SLC26A4: variants seen among roughly 807,000 people sequenced by gnomAD.
SLC26A4 encodes the protein pendrin.
Under a neutral mutation model 90.4 loss-of-function variants are expected in SLC26A4, and 93 were observed. That is an observed-to-expected ratio of 1.03 (90% CI 0.87 to 1.22). The LOEUF is 1.22. SLC26A4 is among the 50% of genes most tolerant of loss of function. The pLI, the probability that SLC26A4 is intolerant of heterozygous loss-of-function variation, is 0.00. For synonymous variants in SLC26A4, 393 were observed against 354.6 expected (o/e 1.11, Z -1.22); for missense variants, 1,127 against 946.2 (o/e 1.19, Z -2.51).
At chr7:107,712,026 T>C (rs1015186208) in intron 19 of SLC26A4, among the ~76,000 whole-genome samples, 13 of 152,180 alleles carry the variant, frequency 8.5e-5, no homozygotes, top group African/African-American at 3.1e-4. Context: ...GTGTAGAAGA[T>C]TAAATTACAT....
At chr7:107,666,309 C>T (rs916989321) in intron 3 of SLC26A4, among the ~76,000 whole-genome samples, 1 of 152,122 alleles carries the variant, frequency 6.6e-6, no homozygotes, top group Non-Finnish European at 1.5e-5. Flanking sequence ...ACAGCCTTGG[C>T]CTCCTGGGCC....
At position 107,715,450 on chromosome 7, in the gene SLC26A4, T is replaced by C. The variant is rs1281859505; in HGVS notation, c.*4T>C. 6.2e-7 allele frequency: 1 copy of C among 1,612,810 alleles called. No individual in the cohort carries two copies. Among genetic ancestry groups the C allele is most frequent in the East Asian group, 2.2e-5 (1 of 44,882 alleles). On this transcript the variant is annotated 3_prime_UTR_variant, in exon 21 of 21. Transcript: ENST00000644269. ...TATGCGTACACTTGCATCCTGAAAG[T>C]GGGTTCGGGAGGTCTCTATGAGCAA... is the stretch of plus-strand genomic sequence containing the variant.
intron 3 of SLC26A4, among the ~76,000 whole-genome samples, chr7:107,668,349 A>G (rs753453205): frequency 6.6e-6 from 1 of 152,182 alleles, no homozygotes; most frequent in African/African-American, 2.4e-5. Flanking sequence ...AATTAATTAG[A>G]AGCCTCGTGA....
intron 15 of SLC26A4, among the ~76,000 whole-genome samples, 168 bp from the exon 16 acceptor site, chr7:107,700,933 T>C (rs1490033023): frequency 6.6e-6 from 1 of 151,202 alleles, no homozygotes; most frequent in African/African-American, 2.4e-5. Context: ...AGGAGTAGGG[T>C]AGCCTGGGAG....
chr7:107,689,648 T>C (rs939294604), intron 9 of SLC26A4, among the ~76,000 whole-genome samples: 1 of 152,234 alleles, frequency 6.6e-6, no homozygotes, highest in African/African-American at 2.4e-5. Context: ...ATGTGATACA[T>C]TGCCAGGTAA....
chr7:107,671,822 T>A (rs1211562366), intron 3 of SLC26A4, among the ~76,000 whole-genome samples: 1 of 152,228 alleles, frequency 6.6e-6, no homozygotes, highest in Non-Finnish European at 1.5e-5. Flanking sequence ...ACCTAACCTA[T>A]GGAACATCAT....
rs200157897 is a variant in SLC26A4, at chr7:107,715,856, C to T, written c.*410C>T. The stretch of plus-strand genomic sequence containing the variant: ...CTGACCTGGATATCCATGAGCTGCA[C>T]TGATCACCATGTAAGGTCACATTTA... On this transcript the variant is annotated 3_prime_UTR_variant, in exon 21 of 21. Coordinates refer to ENST00000644269, the MANE Select transcript of SLC26A4 (RefSeq NM_000441.2). The T allele has an allele frequency of 5.9e-4, 115 of 194,556 alleles. No individual in the cohort carries two copies. Among genetic ancestry groups the T allele is most frequent in the African/African-American group, 2.5e-3 (107 of 43,480 alleles). The allele number at this position is 194,556 out of a possible 1,614,324, so 12.1% of individuals were successfully genotyped here.
rs747746081 is a variant in SLC26A4 at position 107,715,439 on chromosome 7, C to A, written c.2336C>A (p.Ala779Glu). 1 of 1,613,270 alleles carries A rather than the reference C, an allele frequency of 6.2e-7. No individual in the cohort carries two copies. The change falls in exon 21 of 21, where the codon GCA becomes GAA. Residue 779 changes from alanine to glutamate, a missense_variant. By Grantham distance (107) the Ala-to-Glu change is moderately radical. Transcript: ENST00000644269. ...CTTCCACAGGCTATGCGTACACTTG[C>A]ATCCTGAAAGTGGGTTCGGGAGGTC... Reference protein sequence around the residue: ...DVQDEAMRTLAS With the variant: ...DVQDEAMRTLES
At position 107,700,113 on chromosome 7, in the gene SLC26A4, A is replaced by G; in HGVS notation, c.1645A>G (p.Arg549Gly). 1 of 1,587,922 alleles carries G rather than the reference A, an allele frequency of 6.3e-7. No individual in the cohort carries two copies. Among genetic ancestry groups the G allele is most frequent in the Non-Finnish European group, 8.6e-7 (1 of 1,156,142 alleles). ...AGAACCTCAAGGAGTGAAGATTCTT[A>G]GATTTTCCAGTCCTATTTTCTATGG... ...IEEPQGVKILRFSSPIFYGNV... is the reference protein window; with the variant it reads ...IEEPQGVKILGFSSPIFYGNV... The change falls in exon 15 of 21, where the codon AGA (arginine) becomes GGA (glycine). Residue 549 changes from arginine (R) to glycine (G), a missense_variant. Arg to Gly is a moderately radical substitution (Grantham distance 125). Coordinates refer to ENST00000644269, the MANE Select transcript of SLC26A4 (RefSeq NM_000441.2).
chr7:107,715,729 G>A lies in SLC26A4; in HGVS notation c.*283G>A. The A allele has an allele frequency of 2.0e-6, 1 of 501,278 alleles. No homozygotes were observed. The allele number at this position is 501,278 out of a possible 1,614,324, so 31.1% of individuals were successfully genotyped here. A position where few individuals can be genotyped will look rare whatever the true frequency, so the allele number is the denominator to read the frequency against. On this transcript the variant is annotated 3_prime_UTR_variant, in exon 21 of 21. Transcript: ENST00000644269. ...AGATTTGCTAATAATGTTCACGTGG[G>A]CCCTGGCATATCTCTGTTCAGTTAG...
intron 14 of SLC26A4, among the ~76,000 whole-genome samples, chr7:107,698,703 TA>T (rs899289356): frequency 6.6e-6 from 1 of 152,220 alleles, no homozygotes; most frequent in African/African-American, 2.4e-5. Flanking sequence ...AAATTTTGTT[TA>T]TCTGGTATAT....
intron 3 of SLC26A4, among the ~76,000 whole-genome samples, chr7:107,665,510 G>T (rs922069803): frequency 1.3e-5 from 2 of 152,164 alleles, no homozygotes; most frequent in African/African-American, 2.4e-5. Context: ...CCTCATTCAT[G>T]TTTGTTCAGC....
intron 12 of SLC26A4, among the ~76,000 whole-genome samples, chr7:107,695,714 G>A (rs1414590321): frequency 6.6e-6 from 1 of 152,148 alleles, no homozygotes; most frequent in African/African-American, 2.4e-5. Flanking sequence ...TTGGGAGGCT[G>A]AGGCGGGAGG....
At chr7:107,710,431 T>C (rs903666655) in intron 19 of SLC26A4, among the ~76,000 whole-genome samples, 2 of 152,230 alleles carry the variant, frequency 1.3e-5, no homozygotes, top group Non-Finnish European at 2.9e-5. Flanking sequence ...TACCCAGTAC[T>C]GAATAGTTCT....
rs565382433 is a variant in SLC26A4 at position 107,689,200 on chromosome 7, G to C, written c.1149G>C (p.Gln383His). 3.7e-6 allele frequency: 6 copies of C among 1,613,440 alleles called. No homozygotes were observed. In the South Asian group the frequency reaches 4.4e-5, roughly 12 times the overall value. The change falls in exon 9 of 21, where the codon CAG (glutamine) becomes CAC (histidine). Residue 383 changes from glutamine to histidine, a missense_variant and splice_region_variant. Transcript: ENST00000644269. ...TKYDYTIDGN[Q>H]EFIAFGISNI... is the part of the protein sequence containing the mutation. Reference sequence around the variant, plus strand: ...ATGATTACACCATCGATGGGAACCAGGTATGGGTGCCCTTTTGCTGAACTG... The same window carrying C: ...ATGATTACACCATCGATGGGAACCACGTATGGGTGCCCTTTTGCTGAACTG...
intron 3 of SLC26A4, among the ~76,000 whole-genome samples, chr7:107,667,384 T>C (rs976309665): frequency 7.2e-6 from 1 of 139,296 alleles, no homozygotes; most frequent in East Asian, 2.1e-4. Flanking sequence ...GCCAAGAACC[T>C]GAGAAAGCCT....
Position 107,712,613 on chromosome 7 carries a change from C to G in SLC26A4, c.2310C>G (p.Val770=), listed in dbSNP as rs768404882. 3 of 1,535,770 alleles carry G rather than the reference C, an allele frequency of 2.0e-6. No individual in the cohort carries two copies. The Admixed American group carries it at 5.0e-5, about 26-fold the overall frequency. The change falls in exon 20 of 21, where the codon GTC becomes GTG. Residue 770 remains valine, a synonymous_variant. Coordinates refer to ENST00000644269, the MANE Select transcript of SLC26A4 (RefSeq NM_000441.2). ...ETELTEEELD[V]QDEAMRTLAS ...AGCTGACGGAAGAAGAACTTGATGTCCAGGATGAGGTATGATCATTTTCTT... is the reference window on the plus strand; with the variant it reads ...AGCTGACGGAAGAAGAACTTGATGTGCAGGATGAGGTATGATCATTTTCTT...
chr7:107,683,570 T>G, intron 8 of SLC26A4, 33 bp downstream of exon 8: 1 of 1,520,374 alleles, frequency 6.6e-7, no homozygotes, highest in Non-Finnish European at 9.1e-7. Flanking sequence ...TACTAATACA[T>G]TAAGTCAGTA....
At position 107,663,356 on chromosome 7, in the gene SLC26A4, C is replaced by A; in HGVS notation, c.225C>A (p.Leu75=). Reference sequence around the variant, plus strand: ...CTCTTGTGCCCATCTTGGAGTGGCTCCCCAAATACCGAGTCAAGGAATGGC... The same window carrying A: ...CTCTTGTGCCCATCTTGGAGTGGCTACCCAAATACCGAGTCAAGGAATGGC... The part of the protein sequence containing the change: ...LKTLVPILEW[L]PKYRVKEWLL... Residue 75 remains leucine, a synonymous_variant, in exon 3 of 21, where the codon CTC becomes CTA. Transcript: ENST00000644269. 1.2e-6 allele frequency: 2 copies of A among 1,614,050 alleles called. No individual in the cohort carries two copies. The highest frequency in any genetic ancestry group is 1.7e-6 in the Non-Finnish European group (2 of 1,179,964).
Sources: gnomAD v4.1 joint callset for allele counts (sites outside exome capture counted in the v4.1 genomes callset) on GRCh38, gnomAD v4.1.1 for gene constraint, MANE v1.5 for transcripts, NCBI Gene and HGNC (gene_info 2026-07-23, HGNC 2026-07-21) for gene names.